MLPH: variants seen among roughly 807,000 people sequenced by gnomAD.
MLPH encodes the protein melanophilin.
Under a neutral mutation model 72.1 loss-of-function variants are expected in MLPH, and 51 were observed. The observed-to-expected ratio is 0.71, with a 90% CI of 0.56 to 0.89. The LOEUF is 0.89. MLPH is among the 40% of genes least tolerant of loss of function. MLPH has a pLI of 0.00. For synonymous variants in MLPH, 301 were observed against 310.1 expected, an observed-to-expected ratio of 0.97 and a Z score of 0.31; for missense variants, 743 against 759.9, an observed-to-expected ratio of 0.98 and a Z score of 0.26.
intron 1 of MLPH, 104 bp from the exon 2 acceptor site, chr2:237,493,299 T>C (rs2079465061): frequency 1.3e-6 from 1 of 780,516 alleles, no homozygotes; most frequent in African/African-American, 1.7e-5. Context: ...TACAGACAGA[T>C]GTCCTGAGAA....
In MLPH at chr2:237,503,326, G is replaced by A. The variant is rs1005908333; in HGVS notation, c.111-7248G>A. ...GTTTTAGGAGATACTCTGAGGCTCC[G>A]TCTCTCAGCGCCTGCCGTTCTCACA... On this transcript the variant is annotated intron_variant, in intron 2 of 15. Transcript: ENST00000264605. Among the ~76,000 whole-genome samples, 6 of 152,130 alleles carry A rather than the reference G, an allele frequency of 3.9e-5. No homozygotes were observed. The South Asian group carries it at 8.3e-4, about 21-fold the overall frequency.
chr2:237,500,353 C>T (rs192202695), intron 2 of MLPH, among the ~76,000 whole-genome samples: 21 of 152,306 alleles, frequency 1.4e-4, no homozygotes, highest in Non-Finnish European at 1.9e-4. Flanking sequence ...TGGAAATGTT[C>T]GTATCTGCAT....
chr2:237,491,605 G>C (rs548601195), intron 1 of MLPH, among the ~76,000 whole-genome samples: 9 of 152,310 alleles, frequency 5.9e-5, no homozygotes, highest in Admixed American at 6.5e-5. Context: ...ACGTTAAAGG[G>C]ATGGGGACAG....
chr2:237,518,492 C>T (rs761328640), intron 4 of MLPH, 47 bp from the exon 5 acceptor site: 4 of 1,501,818 alleles, frequency 2.7e-6, no homozygotes, highest in Non-Finnish European at 2.7e-6. Flanking sequence ...ATGGCTTGTT[C>T]CCAGACTGTT....
At position 237,525,770 on chromosome 2, in the gene MLPH, C is replaced by A. The variant is rs547226232; in HGVS notation, c.845C>A (p.Ser282Tyr). 9.9e-6 allele frequency: 16 copies of A among 1,613,658 alleles called. No homozygotes were observed. The African/African-American group carries it at 2.1e-4, about 21-fold the overall frequency. The change falls in exon 7 of 16, where the codon TCC becomes TAC. Residue 282 changes from serine (S) to tyrosine (Y), a missense_variant. Ser to Tyr is a moderately radical substitution (Grantham distance 144). Coordinates refer to ENST00000264605, the MANE Select transcript of MLPH (RefSeq NM_024101.7). ...ALAELCPPGG[S>Y]HRMALGTAAA... Reference sequence around the variant, plus strand: ...GCTGAGCTCTGCCCGCCTGGAGGCTCCCACAGGATGGCCCTGGGGACTGCT... The same window carrying A: ...GCTGAGCTCTGCCCGCCTGGAGGCTACCACAGGATGGCCCTGGGGACTGCT...
chr2:237,523,067 A>G (rs1304341979), intron 6 of MLPH, among the ~76,000 whole-genome samples: 1 of 152,246 alleles, frequency 6.6e-6, no homozygotes, highest in Non-Finnish European at 1.5e-5. Flanking sequence ...GTCTGAGTTT[A>G]TATATCATAT....
At chr2:237,517,719 A>C (rs2080076258) in intron 4 of MLPH, among the ~76,000 whole-genome samples, 1 of 97,150 alleles carries the variant, frequency 1.0e-5, no homozygotes, top group Non-Finnish European at 2.1e-5. Context: ...ATGGATGGAT[A>C]AGTAAGTGGG....
At chr2:237,519,128 C>T (rs369868670) in intron 5 of MLPH, among the ~76,000 whole-genome samples, 16 of 151,284 alleles carry the variant, frequency 1.1e-4, no homozygotes, top group African/African-American at 3.7e-4. Flanking sequence ...TCTGTTTTCA[C>T]GTATTGTTTA....
chr2:237,527,669 A>AT lies in MLPH; in HGVS notation c.1020+159dup, dbSNP rs977293700. On this transcript the variant is annotated intron_variant, in intron 8 of 15. Transcript: ENST00000264605. Reference sequence around the variant, plus strand: ...CTTAATGGAGATACGTCATCACAATATTTTTTGTGGAAGTGAATTCACATA... The same window carrying AT: ...CTTAATGGAGATACGTCATCACAATATTTTTTTGTGGAAGTGAATTCACATA... 1.1e-4 allele frequency: 104 copies of AT among 972,444 alleles called. 2 individuals carry two copies. The Middle Eastern group carries it at 1.3e-3, about 12-fold the overall frequency. 60.2% of individuals were successfully genotyped at this position (972,444 alleles called of 1,614,324 possible). A position where few individuals can be genotyped will look rare whatever the true frequency, so the allele number is the denominator to read the frequency against.
chr2:237,540,074 G>T (rs1574893142), intron 9 of MLPH, among the ~76,000 whole-genome samples: 1 of 152,352 alleles, frequency 6.6e-6, no homozygotes, highest in South Asian at 2.1e-4. Flanking sequence ...TAAACAAAAG[G>T]GATGAGAAGG....
chr2:237,540,896 T>A lies in MLPH; in HGVS notation c.1385T>A (p.Leu462Gln), dbSNP rs538560359. Reference sequence around the variant, plus strand: ...TACAACAGGACCACAGATGAGGAGCTGTCAGAGCTGGAGGACAGAGTGGCA... The same window carrying A: ...TACAACAGGACCACAGATGAGGAGCAGTCAGAGCTGGAGGACAGAGTGGCA... ...VQYNRTTDEE[L>Q]SELEDRVAVT... Residue 462 changes from leucine to glutamine, a missense_variant, in exon 11 of 16, where the codon CTG (leucine) becomes CAG (glutamine). Leu to Gln is a moderately radical substitution (Grantham distance 113). Coordinates refer to ENST00000264605, the MANE Select transcript of MLPH (RefSeq NM_024101.7). 3.1e-6 allele frequency: 5 copies of A among 1,612,560 alleles called. No individual in the cohort carries two copies. Among genetic ancestry groups the A allele is most frequent in the Non-Finnish European group, 3.4e-6 (4 of 1,179,568 alleles).
At chr2:237,490,265 G>T (rs1390789656) in intron 1 of MLPH, among the ~76,000 whole-genome samples, 2 of 151,948 alleles carry the variant, frequency 1.3e-5, no homozygotes, top group Admixed American at 1.3e-4. Flanking sequence ...GGAGGTCGAG[G>T]CAGCAGTGAG....
At chr2:237,539,077 C>G (rs991696104) in intron 9 of MLPH, among the ~76,000 whole-genome samples, 1 of 151,974 alleles carries the variant, frequency 6.6e-6, no homozygotes, top group South Asian at 2.1e-4. Flanking sequence ...TGGAGCCGGA[C>G]GTAGTGGCAG....
Position 237,546,607 on chromosome 2 carries a change from T to C in MLPH, c.1541T>C (p.Ile514Thr), listed in dbSNP as rs1475155554. 3 of 1,613,968 alleles carry C rather than the reference T, an allele frequency of 1.9e-6. No homozygotes were observed. The highest frequency in any genetic ancestry group is 2.7e-5 in the African/African-American group (2 of 74,926). ...ATAAGTCTCTTCTTTGCCCTCCAGATATTTCTCCCTCGAGTGGCTGGGAAA... is the reference window on the plus strand; with the variant it reads ...ATAAGTCTCTTCTTTGCCCTCCAGACATTTCTCCCTCGAGTGGCTGGGAAA... ...GKPRRKSNLP[I>T]FLPRVAGKLG... Residue 514 changes from isoleucine to threonine, a missense_variant and splice_region_variant, in exon 13 of 16, where the codon ATA (isoleucine) becomes ACA (threonine). By Grantham distance (89) the Ile-to-Thr change is moderately conservative. Coordinates refer to ENST00000264605, the MANE Select transcript of MLPH (RefSeq NM_024101.7).
At chr2:237,525,536 A>C in intron 6 of MLPH, 65 bp from the exon 7 acceptor site, 1 of 1,550,948 alleles carries the variant, frequency 6.4e-7, no homozygotes, top group Non-Finnish European at 8.9e-7. Context: ...TGAAAGACCC[A>C]CATTCCAGGC....
In MLPH at chr2:237,546,777, A is replaced by C. The variant is rs966256403; in HGVS notation, c.1617+94A>C. The C allele has an allele frequency of 1.7e-5, 18 of 1,033,510 alleles. No individual in the cohort carries two copies. In the African/African-American group the frequency reaches 2.8e-4, roughly 16 times the overall value. 64.0% of individuals were successfully genotyped at this position (1,033,510 alleles called of 1,614,324 possible). On this transcript the variant is annotated intron_variant, in intron 13 of 15. Coordinates refer to ENST00000264605, the MANE Select transcript of MLPH (RefSeq NM_024101.7). ...GTGGCAAGTCCACGGGGTGGCAGAGATGCAATGTCCTCACAGCTACCCACA... is the reference window on the plus strand; with the variant it reads ...GTGGCAAGTCCACGGGGTGGCAGAGCTGCAATGTCCTCACAGCTACCCACA...
chr2:237,535,277 C>T (rs1326634770), intron 9 of MLPH, among the ~76,000 whole-genome samples: 2 of 152,056 alleles, frequency 1.3e-5, no homozygotes, highest in East Asian at 3.9e-4. Flanking sequence ...ATAACAAATT[C>T]ATTCCTTCAA....
chr2:237,540,599 A>C (rs2080655589), intron 10 of MLPH, 66 bp downstream of exon 10: 9 of 1,554,538 alleles, frequency 5.8e-6, no homozygotes, highest in Middle Eastern at 2.3e-4. Context: ...GGACAGTCCC[A>C]GCTGGCAGCC....
intron 14 of MLPH, among the ~76,000 whole-genome samples, chr2:237,550,889 C>A (rs1445702441): frequency 2.0e-5 from 3 of 152,190 alleles, no homozygotes; most frequent in Non-Finnish European, 4.4e-5. Context: ...GGGGCGATTC[C>A]TTGTGTCCTC....
Sources: gnomAD v4.1 joint callset for allele counts (sites outside exome capture counted in the v4.1 genomes callset) on GRCh38, gnomAD v4.1.1 for gene constraint, MANE v1.5 for transcripts, NCBI Gene and HGNC (gene_info 2026-07-23, HGNC 2026-07-21) for gene names.